The following DSTYK variants were observed in gnomAD, a reference collection of about 807,000 sequenced individuals.
DSTYK encodes dual serine/threonine and tyrosine protein kinase, also known as RIP-homologous kinase.
In DSTYK, 34 loss-of-function variants were observed where a neutral mutation model predicts 98.7. The observed-to-expected ratio is 0.34, with a 90% CI of 0.26 to 0.46. The LOEUF is 0.46. Among genes scored for constraint, DSTYK ranks in the 20% least tolerant of loss-of-function variants. The pLI is 1.00. For synonymous variants in DSTYK, 462 were observed against 457.3 expected (o/e 1.01, Z -0.13); for missense variants, 962 against 1,181.7 (o/e 0.81, Z 2.73).
At chr1:205,196,561 A>G (rs967514674) in intron 1 of DSTYK, among the ~76,000 whole-genome samples, 1 of 152,044 alleles carries the variant, frequency 6.6e-6, no homozygotes, top group African/African-American at 2.4e-5. Flanking sequence ...TTGCCTGTAA[A>G]AAGAAAACAA....
Position 205,163,731 on chromosome 1 carries a change from G to A in DSTYK, c.1549C>T (p.Leu517Phe). 1 of 1,613,270 alleles carries A rather than the reference G, an allele frequency of 6.2e-7. No individual in the cohort carries two copies. Among genetic ancestry groups the A allele is most frequent in the Non-Finnish European group, 8.5e-7 (1 of 1,179,398 alleles). The change falls in exon 4 of 13, where the codon CTC becomes TTC. Residue 517 changes from leucine to phenylalanine, a missense_variant. By Grantham distance (22) the Leu-to-Phe change is conservative (BLOSUM62 0). Coordinates refer to ENST00000367162, the MANE Select transcript of DSTYK (RefSeq NM_015375.3). ...DVSVHITSNYLKQILNAAYHV... is the reference protein window; with the variant it reads ...DVSVHITSNYFKQILNAAYHV... ...AATCATTCTTTGTCTACCTGTTTGA[G>A]ATAATTACTGGTGATGTGAACTGAG...
intron 3 of DSTYK, among the ~76,000 whole-genome samples, chr1:205,167,439 T>C (rs1356523985): frequency 2.6e-5 from 4 of 152,092 alleles, no homozygotes; most frequent in African/African-American, 9.7e-5. Flanking sequence ...GAAGACTTCA[T>C]GAAAAATGGC....
chr1:205,159,434 T>C, intron 9 of DSTYK, 113 bp downstream of exon 9: 1 of 1,285,128 alleles, frequency 7.8e-7, no homozygotes, highest in Non-Finnish European at 1.1e-6. Flanking sequence ...TAAACCCTAA[T>C]TACTCCAACA....
intron 2 of DSTYK, among the ~76,000 whole-genome samples, chr1:205,185,268 G>T (rs1490788803): frequency 1.3e-5 from 2 of 152,156 alleles, no homozygotes; most frequent in Non-Finnish European, 2.9e-5. Flanking sequence ...AAAGTCAAAT[G>T]ATTTGCCTCT....
intron 1 of DSTYK, chr1:205,202,311 A>G: frequency 4.4e-6 from 3 of 678,240 alleles, no homozygotes; most frequent in Non-Finnish European, 8.4e-6. Context: ...GGGTATGCAT[A>G]TACGAAAAGC....
rs535157555 is a variant in DSTYK, at chr1:205,197,157, C to T, written c.266-9351G>A. The stretch of plus-strand genomic sequence containing the variant: ...TGAAAGGAAAAAAAAAAAAAGGAGA[C>T]ATTGTTGGGACAGTTGGCAAAACCT... On this transcript the variant is annotated intron_variant, in intron 1 of 12. Coordinates refer to ENST00000367162, the MANE Select transcript of DSTYK (RefSeq NM_015375.3). 2.7e-5 allele frequency among the ~76,000 whole-genome samples: 4 copies of T among 150,872 alleles called. No individual in the cohort carries two copies. The East Asian group carries it at 7.8e-4, about 29-fold the overall frequency.
At chr1:205,167,392 C>T (rs946863173) in intron 3 of DSTYK, among the ~76,000 whole-genome samples, 2 of 152,040 alleles carry the variant, frequency 1.3e-5, no homozygotes, top group Admixed American at 6.6e-5. Context: ...AGAGCAAGAA[C>T]CTGTCCCAAA....
At chr1:205,153,307 G>T (rs1657454560) in intron 10 of DSTYK, among the ~76,000 whole-genome samples, 1 of 152,028 alleles carries the variant, frequency 6.6e-6, no homozygotes, top group South Asian at 2.1e-4. Flanking sequence ...CAAATTACAG[G>T]ACTGGAGGGT....
rs553248345 is a variant in DSTYK at position 205,146,357 on chromosome 1, A to T, written c.*1201T>A. 1.7e-4 allele frequency: 26 copies of T among 152,238 alleles called. No individual in the cohort carries two copies. The highest frequency in any genetic ancestry group is 6.3e-4 in the African/African-American group (26 of 41,536). The allele number at this position is 152,238 out of a possible 1,614,324, so 9.4% of individuals were successfully genotyped here. A position where few individuals can be genotyped will look rare whatever the true frequency, so the allele number is the denominator to read the frequency against. ...TTCGCATTGGGTTGGTTTTGCTTAG[A>T]CACTCACTCCTAAGTACCATGTTAT... On this transcript the variant is annotated 3_prime_UTR_variant, in exon 13 of 13. Transcript: ENST00000367162.
At chr1:205,204,508 A>G (rs1278727029) in intron 1 of DSTYK, among the ~76,000 whole-genome samples, 1 of 152,070 alleles carries the variant, frequency 6.6e-6, no homozygotes, top group Non-Finnish European at 1.5e-5. Context: ...ATATATATTT[A>G]GCATTAATTA....
At chr1:205,205,802 C>G (rs1294571230) in intron 1 of DSTYK, among the ~76,000 whole-genome samples, 1 of 151,992 alleles carries the variant, frequency 6.6e-6, no homozygotes, top group African/African-American at 2.4e-5. Context: ...TAAATGCTGG[C>G]ACATTTAAAA....
intron 2 of DSTYK, among the ~76,000 whole-genome samples, chr1:205,176,152 C>G (rs908981209): frequency 6.6e-6 from 1 of 152,136 alleles, no homozygotes; most frequent in Non-Finnish European, 1.5e-5. Context: ...AGAAGTTGAT[C>G]TGTTACCACC....
intron 10 of DSTYK, among the ~76,000 whole-genome samples, chr1:205,157,034 T>C (rs1657582814): frequency 6.6e-6 from 1 of 152,228 alleles, no homozygotes; most frequent in South Asian, 2.1e-4. Context: ...TTATTTCCCC[T>C]TCCACCATAA....
intron 2 of DSTYK, among the ~76,000 whole-genome samples, chr1:205,177,332 A>G (rs11240376): frequency 0.46 from 69,533 of 152,050 alleles, 19,336 homozygotes; most frequent in Non-Finnish European, 0.62. Flanking sequence ...ACACAACTAT[A>G]TATTAGTAAT....
intron 1 of DSTYK, among the ~76,000 whole-genome samples, chr1:205,207,735 A>G (rs1208057092): frequency 1.7e-5 from 2 of 120,310 alleles, no homozygotes; most frequent in African/African-American, 6.8e-5. Flanking sequence ...CAGCCTGGGC[A>G]ATACAGAGAG....
In DSTYK at chr1:205,163,716, T is replaced by C. The variant is rs986666149; in HGVS notation, c.1557+7A>G. On this transcript the variant is annotated splice_region_variant and intron_variant, in intron 4 of 12. Coordinates refer to ENST00000367162, the MANE Select transcript of DSTYK (RefSeq NM_015375.3). The stretch of plus-strand genomic sequence containing the variant: ...ACACGATGTCTTAAAAATCATTCTT[T>C]GTCTACCTGTTTGAGATAATTACTG... 1 of 1,609,110 alleles carries C rather than the reference T, an allele frequency of 6.2e-7. No individual in the cohort carries two copies. The highest frequency in any genetic ancestry group is 1.1e-5 in the South Asian group (1 of 90,610).
intron 2 of DSTYK, among the ~76,000 whole-genome samples, chr1:205,172,764 C>A (rs1240649705): frequency 1.3e-5 from 2 of 152,174 alleles, no homozygotes; most frequent in Admixed American, 1.3e-4. Flanking sequence ...GTGCTTTTAG[C>A]ATCTCACCAT....
At chr1:205,157,594 CT>C (rs1227055933) in intron 9 of DSTYK, among the ~76,000 whole-genome samples, 2 of 152,012 alleles carry the variant, frequency 1.3e-5, no homozygotes, top group Admixed American at 6.6e-5. Flanking sequence ...CCTGTCTCTA[CT>C]AAAAATGCAA....
At chr1:205,202,177 G>C in intron 1 of DSTYK, 1 of 556,398 alleles carries the variant, frequency 1.8e-6, no homozygotes, top group Non-Finnish European at 3.6e-6. Flanking sequence ...CGTGGCCTGA[G>C]GTAATCCGTG....
Sources: gnomAD v4.1 joint callset for allele counts (sites outside exome capture counted in the v4.1 genomes callset) on GRCh38, gnomAD v4.1.1 for gene constraint, MANE v1.5 for transcripts, NCBI Gene and HGNC (gene_info 2026-07-23, HGNC 2026-07-21) for gene names.